TOP1: variants seen among roughly 807,000 people sequenced by gnomAD.
The protein encoded by TOP1 is DNA topoisomerase 1.
In TOP1, 10 loss-of-function variants were observed where a neutral mutation model predicts 111.1. The observed-to-expected ratio is 0.09, with a 90% CI of 0.06 to 0.15. TOP1 has a LOEUF of 0.15. Among genes scored for constraint, TOP1 ranks in the 10% least tolerant of loss-of-function variants. TOP1 has a pLI of 1.00. For synonymous variants in TOP1, 271 were observed against 302.9 expected (o/e 0.89, Z 1.10); for missense variants, 474 against 926.7 (o/e 0.51, Z 6.34).
intron 14 of TOP1, among the ~76,000 whole-genome samples, chr20:41,113,571 C>G (rs895760990): frequency 4.6e-5 from 7 of 151,990 alleles, no homozygotes; most frequent in Non-Finnish European, 8.8e-5. Flanking sequence ...GTTTTGGATG[C>G]CTAGAAATTG....
chr20:41,059,323 T>G (rs1035637278), intron 2 of TOP1, among the ~76,000 whole-genome samples: 4 of 148,574 alleles, frequency 2.7e-5, no homozygotes, highest in African/African-American at 7.4e-5. Context: ...ACTTAAAAGT[T>G]AAAAAAAAAT....
chr20:41,113,921 G>T, intron 14 of TOP1, 49 bp from the exon 15 acceptor site: 2 of 1,376,522 alleles, frequency 1.5e-6, no homozygotes. Context: ...ATTGTGTAAG[G>T]ATCATGTCTC....
At chr20:41,074,723 T>G (rs1342582714) in intron 3 of TOP1, among the ~76,000 whole-genome samples, 1 of 152,234 alleles carries the variant, frequency 6.6e-6, no homozygotes, top group African/African-American at 2.4e-5. Flanking sequence ...GATCTTCTAC[T>G]GTAGTCAAGT....
chr20:41,071,337 T>C lies in TOP1; in HGVS notation c.156-4834T>C, dbSNP rs1292219853. ...AAAATAGTGTAAGTTATTTTTTTCT[T>C]TCCTTTTTTTAAATTTTTTTTTTTT... is the stretch of plus-strand genomic sequence containing the variant. On this transcript the variant is annotated intron_variant, in intron 3 of 20. Transcript: ENST00000361337. The surrounding 1 kb of genome is among the most constrained non-coding windows in gnomAD (Gnocchi z 4.3). Among the ~76,000 whole-genome samples, 3 of 152,072 alleles carry C rather than the reference T, an allele frequency of 2.0e-5. No homozygotes were observed. The highest frequency in any genetic ancestry group is 2.0e-4 in the Admixed American group (3 of 15,278).
chr20:41,066,004 A>G (rs1387206289), intron 3 of TOP1, among the ~76,000 whole-genome samples: 1 of 152,234 alleles, frequency 6.6e-6, no homozygotes, highest in Non-Finnish European at 1.5e-5. Flanking sequence ...GAACAGTATC[A>G]TCTGAGGAGG....
At chr20:41,119,004 G>T (rs938176524) in intron 18 of TOP1, among the ~76,000 whole-genome samples, 3 of 152,138 alleles carry the variant, frequency 2.0e-5, no homozygotes, top group Non-Finnish European at 4.4e-5. Flanking sequence ...TAACATGGTG[G>T]TCCACAGTGA....
intron 8 of TOP1, among the ~76,000 whole-genome samples, chr20:41,087,519 A>G (rs1429176947): frequency 1.3e-5 from 2 of 152,350 alleles, no homozygotes; most frequent in East Asian, 1.9e-4. Context: ...TGCTGTGATG[A>G]GTCAGGACTA....
intron 13 of TOP1, among the ~76,000 whole-genome samples, chr20:41,108,446 C>T (rs1413615681): frequency 6.6e-6 from 1 of 152,168 alleles, no homozygotes; most frequent in Non-Finnish European, 1.5e-5. Context: ...TGCCCCCTTT[C>T]TGGAAACTTG....
At chr20:41,066,934 C>T (rs1201467884) in intron 3 of TOP1, among the ~76,000 whole-genome samples, 2 of 152,016 alleles carry the variant, frequency 1.3e-5, no homozygotes, top group South Asian at 4.1e-4. Flanking sequence ...AAACCTGGCC[C>T]GAGTTTCTGT....
Position 41,121,701 on chromosome 20 carries a change from T to G in TOP1, c.1956T>G (p.Asp652Glu). ...ACCACTATTATTTCCCCTAGATTGA[T>G]GCCAAGAAGGAACAGCTAGCAGATG... Reference protein sequence around the residue: ...KSMMNLQTKIDAKKEQLADAR... With the variant: ...KSMMNLQTKIEAKKEQLADAR... Residue 652 changes from aspartate (D) to glutamate (E), a missense_variant, in exon 19 of 21, where the codon GAT (aspartate) becomes GAG (glutamate). Around this residue, in one of 14 missense-constraint regions of TOP1, gnomAD observed 13 missense variants for 56.8 expected, o/e 0.23. Transcript: ENST00000361337. The surrounding 1 kb of genome is among the most constrained non-coding windows in gnomAD (Gnocchi z 4.2). The G allele has an allele frequency of 6.2e-7, 1 of 1,613,866 alleles. No homozygotes were observed. Among genetic ancestry groups the G allele is most frequent in the Non-Finnish European group, 8.5e-7 (1 of 1,179,774 alleles).
rs1178172091 is a variant in TOP1, at chr20:41,118,784, A to T, written c.1950+488A>T. Among the ~76,000 whole-genome samples, 1 of 152,258 alleles carries T rather than the reference A, an allele frequency of 6.6e-6. No individual in the cohort carries two copies. Among genetic ancestry groups the T allele is most frequent in the Admixed American group, 6.5e-5 (1 of 15,284 alleles). ...CATGAATCATATTTTTATATAGTTC[A>T]TCATCAAACATCTGTTGAATACTGG... On this transcript the variant is annotated intron_variant, in intron 18 of 20. Coordinates refer to ENST00000361337, the MANE Select transcript of TOP1 (RefSeq NM_003286.4). This position sits in a 1 kb window ranked among gnomAD's most constrained non-coding sequence, Gnocchi z 4.6.
chr20:41,077,552 G>T (rs1372853993), intron 4 of TOP1, 30 bp from the exon 5 acceptor site: 2 of 1,596,546 alleles, frequency 1.3e-6, no homozygotes, highest in Non-Finnish European at 8.6e-7. Context: ...GTCCTTTCAA[G>T]GTACTAGTTA....
intron 11 of TOP1, among the ~76,000 whole-genome samples, chr20:41,099,434 G>A (rs1258251861): frequency 6.6e-6 from 1 of 152,118 alleles, no homozygotes; most frequent in Non-Finnish European, 1.5e-5. Flanking sequence ...CTGCCAGCAA[G>A]GTCTGAATCT....
At chr20:41,053,646 T>C (rs1306478687) in intron 2 of TOP1, among the ~76,000 whole-genome samples, 1 of 152,254 alleles carries the variant, frequency 6.6e-6, no homozygotes, top group African/African-American at 2.4e-5. Flanking sequence ...AGTTTCTAAA[T>C]ACAGGAGCAT....
At chr20:41,113,929 C>A in intron 14 of TOP1, 41 bp from the exon 15 acceptor site, 16 of 1,319,810 alleles carry the variant, frequency 1.2e-5, no homozygotes, top group Non-Finnish European at 1.7e-5. Flanking sequence ...AGGATCATGT[C>A]TCTTCCATTC....
chr20:41,109,552 A>C lies in TOP1; in HGVS notation c.1309-3230A>C, dbSNP rs2034201635. On this transcript the variant is annotated intron_variant, in intron 13 of 20. Transcript: ENST00000361337. The surrounding 1 kb of genome is among the most constrained non-coding windows in gnomAD (Gnocchi z 4.1). ...CAGACTAAAAGAAAATATTTGCAAC[A>C]TGTTTATCTGAAAGGGCTTATATCC... 6.6e-6 allele frequency among the ~76,000 whole-genome samples: 1 copy of C among 152,180 alleles called. No homozygotes were observed. Among genetic ancestry groups the C allele is most frequent in the Non-Finnish European group, 1.5e-5 (1 of 68,030 alleles).
chr20:41,106,930 A>T lies in TOP1; in HGVS notation c.1308+5577A>T, dbSNP rs1319247494. On this transcript the variant is annotated intron_variant, in intron 13 of 20. Coordinates refer to ENST00000361337, the MANE Select transcript of TOP1 (RefSeq NM_003286.4). The surrounding 1 kb of genome is among the most constrained non-coding windows in gnomAD (Gnocchi z 4.3). ...TATTTTTAAACACAATTATCCATAA[A>T]ACCCTAACCCTTTCCCTAGTCAACA... 6.6e-6 allele frequency among the ~76,000 whole-genome samples: 1 copy of T among 152,184 alleles called. No homozygotes were observed. The highest frequency in any genetic ancestry group is 1.5e-5 in the Non-Finnish European group (1 of 68,024).
At chr20:41,086,194 C>T (rs1334612193) in intron 8 of TOP1, among the ~76,000 whole-genome samples, 4 of 150,294 alleles carry the variant, frequency 2.7e-5, no homozygotes, top group South Asian at 2.1e-4. Flanking sequence ...ACCTGGGAGG[C>T]GGAGGTTGCA....
rs746151400 is a variant in TOP1 at position 41,123,218 on chromosome 20, T to C, written c.2219T>C (p.Ile740Thr). The stretch of plus-strand genomic sequence containing the variant: ...AGGTGCAAGAAGTGGGGTGTCCCAA[T>C]TGAGAAGATTTACAACAAAACCCAG... ...VAWCKKWGVP[I>T]EKIYNKTQRE... The change falls in exon 21 of 21, where the codon ATT (isoleucine) becomes ACT (threonine). Residue 740 changes from isoleucine (I) to threonine (T), a missense_variant. Ile to Thr is a moderately conservative substitution (Grantham distance 89). Coordinates refer to ENST00000361337, the MANE Select transcript of TOP1 (RefSeq NM_003286.4). The surrounding 1 kb of genome is among the most constrained non-coding windows in gnomAD (Gnocchi z 5.8). The C allele has an allele frequency of 6.2e-6, 10 of 1,614,044 alleles. No homozygotes were observed. The highest frequency in any genetic ancestry group is 7.6e-6 in the Non-Finnish European group (9 of 1,179,960).
Sources: allele counts gnomAD v4.1 joint callset (sites outside exome capture counted in the v4.1 genomes callset), GRCh38; gene constraint gnomAD v4.1.1; regional missense constraint gnomAD v4.1.1; non-coding constraint Gnocchi (gnomAD v3.1); transcripts MANE v1.5; gene names NCBI Gene and HGNC (gene_info 2026-07-23, HGNC 2026-07-21).